PCDHGA1: variants seen among roughly 807,000 people sequenced by gnomAD.
PCDHGA1 encodes protocadherin gamma subfamily A, 1.
A neutral mutation model predicts 58.0 loss-of-function variants in PCDHGA1; 32 were observed. The ratio of observed to expected loss-of-function variants is 0.55; its 90% CI spans 0.42 to 0.74. The LOEUF (loss-of-function observed/expected upper bound fraction) is 0.74, where lower values mean the gene tolerates loss of function less well. PCDHGA1 is among the 30% of genes least tolerant of loss of function. The pLI, the probability that PCDHGA1 is intolerant of heterozygous loss-of-function variation, is 0.00. For synonymous variants in PCDHGA1, 498 were observed against 501.1 expected, an observed-to-expected ratio of 0.99 and a Z score of 0.08; for missense variants, 1,205 against 1,182.3, an observed-to-expected ratio of 1.02 and a Z score of -0.28.
intron 1 of PCDHGA1, chr5:141,478,866 C>T (rs1392885307): frequency 1.5e-6 from 2 of 1,304,352 alleles, no homozygotes; most frequent in Non-Finnish European, 2.0e-6. Flanking sequence ...TCTCAGCGAT[C>T]AGAGTTTAGC....
At chr5:141,426,539 T>C in intron 1 of PCDHGA1, 2 of 347,388 alleles carry the variant, frequency 5.8e-6, no homozygotes, top group South Asian at 4.4e-5. Flanking sequence ...GGGAACATAC[T>C]TGTGAGTGAC....
intron 1 of PCDHGA1, among the ~76,000 whole-genome samples, chr5:141,447,542 T>G (rs980012061): frequency 1.3e-5 from 2 of 152,216 alleles, no homozygotes; most frequent in African/African-American, 4.8e-5. Context: ...TGGGTTTTAA[T>G]GTTATGAGTA....
At chr5:141,456,897 A>G (rs1351271896) in intron 1 of PCDHGA1, among the ~76,000 whole-genome samples, 2 of 152,178 alleles carry the variant, frequency 1.3e-5, no homozygotes, top group Admixed American at 1.3e-4. Context: ...CGGGAGGCAG[A>G]GGTTGCAGTG....
chr5:141,409,750 G>T, intron 1 of PCDHGA1: 1 of 1,613,016 alleles, frequency 6.2e-7, no homozygotes, highest in South Asian at 1.1e-5. Context: ...TGGTGTTCGC[G>T]CAGCGCGCCT....
In PCDHGA1 at chr5:141,491,244, T is replaced by G. The variant is rs754328211; in HGVS notation, c.2422-3563T>G. The G allele has an allele frequency of 6.2e-6, 10 of 1,614,092 alleles. No homozygotes were observed. The South Asian group carries it at 1.1e-4, about 18-fold the overall frequency. ...CCACAGTGCTGCTGGTTCTGGAGGA[T>G]GAGGACCCTGAGGAAATGCCCAAAT... On this transcript the variant is annotated intron_variant, in intron 1 of 3. Transcript: ENST00000517417. This position sits in a 1 kb window ranked among gnomAD's most constrained non-coding sequence, Gnocchi z 6.9.
chr5:141,474,900 T>C (rs577411783), intron 1 of PCDHGA1, among the ~76,000 whole-genome samples: 2 of 152,368 alleles, frequency 1.3e-5, no homozygotes, highest in South Asian at 2.1e-4. Flanking sequence ...TCATTTCTTG[T>C]TCAAGGATAT....
In PCDHGA1 at chr5:141,422,942, G is replaced by T. The variant is rs199976232; in HGVS notation, c.2422-71865G>T. On this transcript the variant is annotated intron_variant, in intron 1 of 3. Transcript: ENST00000517417. Reference sequence around the variant, plus strand: ...CTGTACCCTGCCCTCCCCACAGACGGCTCCACTGGCGTGGAGCTGGCGCCC... The same window carrying T: ...CTGTACCCTGCCCTCCCCACAGACGTCTCCACTGGCGTGGAGCTGGCGCCC... The T allele has an allele frequency of 3.6e-4, 583 of 1,614,096 alleles. 1 individual carries two copies. Among genetic ancestry groups the T allele is most frequent in the South Asian group, 5.2e-4 (47 of 91,090 alleles).
chr5:141,382,921 G>A, intron 1 of PCDHGA1: 2 of 1,560,324 alleles, frequency 1.3e-6, no homozygotes, highest in South Asian at 1.2e-5. Flanking sequence ...GCCGAGGGGC[G>A]GGGACTACAG....
intron 1 of PCDHGA1, chr5:141,419,071 A>G: frequency 6.2e-7 from 1 of 1,614,006 alleles, no homozygotes; most frequent in South Asian, 1.1e-5. Flanking sequence ...ACTACAAGCT[A>G]GTAACAGATG....
rs1392227733 is a variant in PCDHGA1 at position 141,330,527 on chromosome 5, C to A, written c.-158C>A. The A allele has an allele frequency of 5.6e-6, 4 of 709,908 alleles. No individual in the cohort carries two copies. The highest frequency in any genetic ancestry group is 5.4e-5 in the African/African-American group (3 of 55,956). The allele number at this position is 709,908 out of a possible 1,614,324, so 44.0% of individuals were successfully genotyped here. A position where few individuals can be genotyped will look rare whatever the true frequency, so the allele number is the denominator to read the frequency against. On this transcript the variant is annotated 5_prime_UTR_variant, in exon 1 of 4. Coordinates refer to ENST00000517417, the MANE Select transcript of PCDHGA1 (RefSeq NM_018912.3). ...TCGTGCCTCTTAGAACCTCCATAACCGCCAGATTGAAAACTGACTGTCCAA... is the reference window on the plus strand; with the variant it reads ...TCGTGCCTCTTAGAACCTCCATAACAGCCAGATTGAAAACTGACTGTCCAA...
In PCDHGA1 at chr5:141,388,635, C is replaced by A. The variant is rs1441074974; in HGVS notation, c.2421+55530C>A. The A allele has an allele frequency of 4.3e-6, 7 of 1,613,896 alleles. No homozygotes were observed. The highest frequency in any genetic ancestry group is 5.9e-6 in the Non-Finnish European group (7 of 1,179,864). On this transcript the variant is annotated intron_variant, in intron 1 of 3. Transcript: ENST00000517417. ...CAGTCAAGACGTATACAGGGTGAGC[C>A]TTTCAGAAAACGTGTACCCGGGGAC...
Position 141,352,437 on chromosome 5 carries a change from G to A in PCDHGA1, c.2421+19332G>A, listed in dbSNP as rs754792200. The A allele has an allele frequency of 1.2e-6, 2 of 1,613,916 alleles. No homozygotes were observed. Among genetic ancestry groups the A allele is most frequent in the Non-Finnish European group, 1.7e-6 (2 of 1,179,916 alleles). ...GACACTGAGGGCTGCTTTCAAACCG[G>A]TCTCTGCTCCAAGTCTGGGCCCGGG... On this transcript the variant is annotated intron_variant, in intron 1 of 3. Transcript: ENST00000517417.
At chr5:141,419,254 C>A in intron 1 of PCDHGA1, 1 of 1,614,020 alleles carries the variant, frequency 6.2e-7, no homozygotes, top group Non-Finnish European at 8.5e-7. Context: ...CAGAAAACAA[C>A]CAGCCGGGTG....
chr5:141,400,121 A>C lies in PCDHGA1; in HGVS notation c.2421+67016A>C. On this transcript the variant is annotated intron_variant, in intron 1 of 3. Coordinates refer to ENST00000517417, the MANE Select transcript of PCDHGA1 (RefSeq NM_018912.3). Reference sequence around the variant, plus strand: ...CACTTGGTCTTTGCTGACAGCTTGCAGGAGGTGCTGCCGGATATCACTGAC... The same window carrying C: ...CACTTGGTCTTTGCTGACAGCTTGCCGGAGGTGCTGCCGGATATCACTGAC... 1.2e-6 allele frequency: 2 copies of C among 1,614,054 alleles called. No individual in the cohort carries two copies. The highest frequency in any genetic ancestry group is 1.7e-6 in the Non-Finnish European group (2 of 1,179,890).
At chr5:141,428,008 T>C (rs2097099623) in intron 1 of PCDHGA1, 4 of 1,601,848 alleles carry the variant, frequency 2.5e-6, no homozygotes, top group Admixed American at 3.3e-5. Context: ...CTCTTCGATA[T>C]AGTGCCACGC....
At position 141,364,595 on chromosome 5, in the gene PCDHGA1, A is replaced by G. The variant is rs769751864; in HGVS notation, c.2421+31490A>G. ...AAGCGGCAGCTTGGTCACCGCGGGC[A>G]GGATAGACCGGGAGGAGCTCTGCGC... On this transcript the variant is annotated intron_variant, in intron 1 of 3. Transcript: ENST00000517417. 2.5e-6 allele frequency: 4 copies of G among 1,614,210 alleles called. No homozygotes were observed. The highest frequency in any genetic ancestry group is 1.1e-5 in the South Asian group (1 of 91,092).
At chr5:141,419,886 G>C (rs1195529127) in intron 1 of PCDHGA1, 1 of 1,614,076 alleles carries the variant, frequency 6.2e-7, no homozygotes, top group Non-Finnish European at 8.5e-7. Context: ...CCGGATTTCA[G>C]CGACCATCCC....
chr5:141,403,259 C>G, intron 1 of PCDHGA1: 1 of 1,613,866 alleles, frequency 6.2e-7, no homozygotes, highest in South Asian at 1.1e-5. Context: ...CCCGCGGTGT[C>G]TGGTGAACTT....
At chr5:141,404,000 A>G (rs758512396) in intron 1 of PCDHGA1, 1 of 1,613,956 alleles carries the variant, frequency 6.2e-7, no homozygotes. Flanking sequence ...AGTGACCATT[A>G]CATCTCTGTT....
Sources: allele counts gnomAD v4.1 joint callset (sites outside exome capture counted in the v4.1 genomes callset), GRCh38; gene constraint gnomAD v4.1.1; non-coding constraint Gnocchi (gnomAD v3.1); transcripts MANE v1.5; gene names NCBI Gene and HGNC (gene_info 2026-07-23, HGNC 2026-07-21).